CACHD1: variants seen among roughly 807,000 people sequenced by gnomAD.
CACHD1 encodes the protein cache domain containing 1.
In CACHD1, 71 loss-of-function variants were observed where a neutral mutation model predicts 138.7. The observed-to-expected ratio is 0.51, with a 90% CI of 0.42 to 0.62. CACHD1 has a LOEUF of 0.62. Among genes scored for constraint, CACHD1 ranks in the 20% least tolerant of loss-of-function variants. The probability of loss-of-function intolerance (pLI) is 0.00; values close to 1 mark genes in which losing one functional copy is unlikely to be tolerated. For missense variants in CACHD1, 1,389 were observed against 1,625.3 expected, an observed-to-expected ratio of 0.85 and a Z score of 2.50; for synonymous variants, 578 against 591.5, an observed-to-expected ratio of 0.98 and a Z score of 0.33.
chr1:64,540,274 T>TC (rs778718238), intron 1 of CACHD1, among the ~76,000 whole-genome samples: 2 of 152,036 alleles, frequency 1.3e-5, no homozygotes, highest in Non-Finnish European at 2.9e-5. Flanking sequence ...CTTTTTTTTT[T>TC]CCTTTAAAAG....
intron 1 of CACHD1, among the ~76,000 whole-genome samples, chr1:64,544,679 A>G (rs1430541538): frequency 6.6e-6 from 1 of 151,456 alleles, no homozygotes; most frequent in Non-Finnish European, 1.5e-5. Context: ...AACTGTATTC[A>G]ACTGTTATTA....
chr1:64,626,218 CA>C (rs1484562597), intron 4 of CACHD1, among the ~76,000 whole-genome samples: 1 of 152,198 alleles, frequency 6.6e-6, no homozygotes, highest in Non-Finnish European at 1.5e-5. Context: ...CAGGCGGAGC[CA>C]GCACTAAAGT....
At chr1:64,691,233 A>G (rs1242232551) in intron 26 of CACHD1, 90 bp from the exon 27 acceptor site, 1 of 1,177,554 alleles carries the variant, frequency 8.5e-7, no homozygotes, top group Non-Finnish European at 1.3e-6. Flanking sequence ...AAAGACAGGA[A>G]TACCTCCCAG....
intron 2 of CACHD1, among the ~76,000 whole-genome samples, chr1:64,551,913 C>T (rs1036711549): frequency 2.6e-5 from 4 of 152,154 alleles, no homozygotes; most frequent in Non-Finnish European, 5.9e-5. Flanking sequence ...GTCTTATCTT[C>T]ATAATTCCTG....
At position 64,470,531 on chromosome 1, in the gene CACHD1, A is replaced by C. The variant is rs1439929335; in HGVS notation, c.-214A>C. Among the ~76,000 whole-genome samples, 2 of 149,442 alleles carry C rather than the reference A, an allele frequency of 1.3e-5. No individual in the cohort carries two copies. The highest frequency in any genetic ancestry group is 2.0e-4 in the East Asian group (1 of 4,968). On this transcript the variant is annotated 5_prime_UTR_variant, in exon 1 of 27. Transcript: ENST00000651257. The surrounding 1 kb of genome is among the most constrained non-coding windows in gnomAD (Gnocchi z 5.2). Reference sequence around the variant, plus strand: ...GCTCGGGCGGCCGCCTCCTACCCCCACCGCCGCGGAGCCCCGCGATGGTGG... The same window carrying C: ...GCTCGGGCGGCCGCCTCCTACCCCCCCCGCCGCGGAGCCCCGCGATGGTGG...
intron 7 of CACHD1, among the ~76,000 whole-genome samples, chr1:64,638,647 G>A (rs563476096): frequency 7.9e-5 from 12 of 152,194 alleles, no homozygotes; most frequent in Middle Eastern, 6.8e-3. Context: ...GCCTAAATAT[G>A]AGTCGCTCTT....
intron 2 of CACHD1, among the ~76,000 whole-genome samples, chr1:64,580,653 A>T (rs1039585286): frequency 2.6e-5 from 4 of 152,208 alleles, no homozygotes; most frequent in Non-Finnish European, 4.4e-5. Flanking sequence ...TTAAAAAAGC[A>T]ATCAATCGAG....
At chr1:64,557,766 TTTTC>T (rs1646809450) in intron 2 of CACHD1, among the ~76,000 whole-genome samples, 1 of 151,764 alleles carries the variant, frequency 6.6e-6, no homozygotes, top group Non-Finnish European at 1.5e-5. Context: ...GCCATTTTCT[TTTTC>T]TTTTTCTCTT....
At chr1:64,547,217 A>G (rs754548792) in intron 1 of CACHD1, among the ~76,000 whole-genome samples, 6 of 152,266 alleles carry the variant, frequency 3.9e-5, no homozygotes, top group Non-Finnish European at 8.8e-5. Flanking sequence ...ATTGTAAAGT[A>G]TAAAAGTACT....
chr1:64,558,722 A>G (rs12061183), intron 2 of CACHD1, among the ~76,000 whole-genome samples: 1 of 152,136 alleles, frequency 6.6e-6, no homozygotes, highest in Non-Finnish European at 1.5e-5. Context: ...ACCTACAGAA[A>G]GGGAGAAAAT....
chr1:64,498,689 CAG>C (rs1320834017), intron 1 of CACHD1, among the ~76,000 whole-genome samples: 1 of 152,234 alleles, frequency 6.6e-6, no homozygotes. Flanking sequence ...GTCTTGCATG[CAG>C]AGTCTTAATT....
At chr1:64,543,432 T>TA (rs1553131399) in intron 1 of CACHD1, among the ~76,000 whole-genome samples, 1 of 147,060 alleles carries the variant, frequency 6.8e-6, no homozygotes, top group African/African-American at 2.5e-5. Context: ...TATATTTAAA[T>TA]TAGCCAGCAG....
intron 1 of CACHD1, among the ~76,000 whole-genome samples, chr1:64,526,961 T>C (rs1646544100): frequency 6.6e-6 from 1 of 152,224 alleles, no homozygotes; most frequent in Non-Finnish European, 1.5e-5. Context: ...AAAGATTTCC[T>C]TGGTGTAATG....
chr1:64,480,294 G>A (rs1423647846), intron 1 of CACHD1, among the ~76,000 whole-genome samples: 1 of 152,192 alleles, frequency 6.6e-6, no homozygotes, highest in Non-Finnish European at 1.5e-5. Context: ...CCAGTAGTAA[G>A]TGACAGATTC....
chr1:64,551,814 G>T (rs1646760909), intron 2 of CACHD1, among the ~76,000 whole-genome samples: 1 of 152,122 alleles, frequency 6.6e-6, no homozygotes, highest in Non-Finnish European at 1.5e-5. Context: ...GTATATGTAT[G>T]TTCTTTTTCT....
At chr1:64,625,287 G>T (rs187925130) in intron 4 of CACHD1, among the ~76,000 whole-genome samples, 73 of 152,266 alleles carry the variant, frequency 4.8e-4, no homozygotes, top group African/African-American at 1.7e-3. Context: ...TAGACACTGG[G>T]GACTTGGAAA....
chr1:64,632,139 C>T (rs758472781), intron 5 of CACHD1, among the ~76,000 whole-genome samples: 2 of 151,080 alleles, frequency 1.3e-5, no homozygotes, highest in Non-Finnish European at 2.9e-5. Context: ...AAAACAGGTA[C>T]ACTGGGCAAT....
intron 4 of CACHD1, among the ~76,000 whole-genome samples, chr1:64,614,381 C>G (rs1285725155): frequency 1.3e-5 from 2 of 151,850 alleles, no homozygotes; most frequent in African/African-American, 4.8e-5. Context: ...TGGCTGGACA[C>G]CTGTCTGTGT....
chr1:64,664,215 T>C (rs1228780699), intron 14 of CACHD1: 1 of 460,560 alleles, frequency 2.2e-6, no homozygotes, highest in African/African-American at 2.0e-5. Flanking sequence ...TTAGGGTTAG[T>C]GTGTATATAT....
Sources: allele counts gnomAD v4.1 joint callset (sites outside exome capture counted in the v4.1 genomes callset), GRCh38; gene constraint gnomAD v4.1.1; non-coding constraint Gnocchi (gnomAD v3.1); transcripts MANE v1.5; gene names NCBI Gene and HGNC (gene_info 2026-07-23, HGNC 2026-07-21).